Variants in MTIF2 observed in about 807,000 individuals in gnomAD.
The protein encoded by MTIF2 is translation initiation factor IF-2, mitochondrial.
MTIF2 carries 71 observed loss-of-function variants against 83.5 expected under a neutral mutation model. The observed-to-expected ratio is 0.85, with a 90% CI of 0.70 to 1.04. MTIF2 has a LOEUF of 1.04. Among genes scored for constraint, MTIF2 ranks in the 50% least tolerant of loss-of-function variants. The probability of loss-of-function intolerance (pLI) is 0.00; values close to 1 mark genes in which losing one functional copy is unlikely to be tolerated. For synonymous variants in MTIF2, 319 were observed against 287.1 expected (o/e 1.11, Z -1.12); for missense variants, 957 against 846.5 (o/e 1.13, Z -1.62).
At chr2:55,249,050 G>A (rs1452039040) in intron 9 of MTIF2, among the ~76,000 whole-genome samples, 1 of 152,126 alleles carries the variant, frequency 6.6e-6, no homozygotes, top group African/African-American at 2.4e-5. Context: ...GAGGTGGGAG[G>A]ACAACTTGAG....
At chr2:55,265,836 T>A (rs1188047129) in intron 3 of MTIF2, among the ~76,000 whole-genome samples, 1 of 152,230 alleles carries the variant, frequency 6.6e-6, no homozygotes, top group African/African-American at 2.4e-5. Flanking sequence ...CAAACAATTG[T>A]GGATCGAAAA....
In MTIF2 at chr2:55,244,146, T is replaced by G. The variant is rs1397038880; in HGVS notation, c.1194A>C (p.Leu398Phe). Residue 398 changes from leucine to phenylalanine, a missense_variant, in exon 11 of 16, where the codon TTA becomes TTC. Leu to Phe is a conservative substitution (Grantham distance 22, BLOSUM62 0). This residue lies in a region of MTIF2 where 733 missense variants were observed against 648.7 expected (regional missense o/e 1.13). Coordinates refer to ENST00000263629, the MANE Select transcript of MTIF2 (RefSeq NM_002453.3). ...VAGKCWAKVR[L>F]MFDENGKTID... is the part of the protein sequence containing the mutation. ...TTGTTTTTCCATTTTCATCAAACAT[T>G]AAGCGTACTTTTGCCCAACATTTTC... 1 of 1,614,172 alleles carries G rather than the reference T, an allele frequency of 6.2e-7. No individual in the cohort carries two copies. The highest frequency in any genetic ancestry group is 2.2e-5 in the East Asian group (1 of 44,876).
intron 7 of MTIF2, 150 bp downstream of exon 7, chr2:55,253,891 C>T (rs558773337): frequency 7.2e-5 from 57 of 796,782 alleles, no homozygotes; most frequent in African/African-American, 6.7e-4. Flanking sequence ...CACAGCTTTA[C>T]TAACCACTTG....
Position 55,237,287 on chromosome 2 carries a change from C to T in MTIF2, c.2011+1G>A. 1 of 1,610,890 alleles carries T rather than the reference C, an allele frequency of 6.2e-7. No individual in the cohort carries two copies. The highest frequency in any genetic ancestry group is 1.7e-5 in the Admixed American group (1 of 59,446). ...TTATAGGAGATTTTGATGTTGCTTA[C>T]CCTTCCAAATTACATGTCCATTACG... On this transcript the variant is annotated splice_donor_variant, in intron 15 of 15. Coordinates refer to ENST00000263629, the MANE Select transcript of MTIF2 (RefSeq NM_002453.3). LOFTEE classifies it high-confidence loss of function.
Position 55,247,035 on chromosome 2 carries a change from T to TA in MTIF2, c.982-575dup, listed in dbSNP as rs983320351. Among the ~76,000 whole-genome samples, 43 of 149,836 alleles carry TA rather than the reference T, an allele frequency of 2.9e-4. No individual in the cohort carries two copies. The East Asian group carries it at 3.3e-3, about 12-fold the overall frequency. On this transcript the variant is annotated intron_variant, in intron 9 of 15. Coordinates refer to ENST00000263629, the MANE Select transcript of MTIF2 (RefSeq NM_002453.3). ...TATAACCACCCAGCTGTGCAGCCTT[T>TA]AAAAAAAAAATCACCTCACTTCCCT...
At chr2:55,255,571 TA>T (rs1048103157) in intron 5 of MTIF2, among the ~76,000 whole-genome samples, 4 of 150,576 alleles carry the variant, frequency 2.7e-5, no homozygotes, top group Admixed American at 6.7e-5. Context: ...AGAACAAGCT[TA>T]TCTGAGATGC....
At chr2:55,245,674 T>C (rs1676642455) in intron 10 of MTIF2, among the ~76,000 whole-genome samples, 2 of 152,112 alleles carry the variant, frequency 1.3e-5, no homozygotes, top group African/African-American at 4.8e-5. Context: ...ACAATGTGAA[T>C]AAACTACAAT....
At chr2:55,236,921 T>TA in intron 15 of MTIF2, 101 bp from the exon 16 acceptor site, 1 of 979,358 alleles carries the variant, frequency 1.0e-6, no homozygotes, top group Non-Finnish European at 1.4e-6. Context: ...CTGAAATTCT[T>TA]AAAAATTTTA....
At chr2:55,243,153 C>T in intron 12 of MTIF2, 73 bp from the exon 13 acceptor site, 1 of 1,413,086 alleles carries the variant, frequency 7.1e-7, no homozygotes, top group South Asian at 1.4e-5. Flanking sequence ...TGACAATAAT[C>T]TATTTAAAGC....
chr2:55,262,401 T>TAG lies in MTIF2; in HGVS notation c.245_246insCT (p.Leu82PhefsTer11), dbSNP rs1436370327. On this transcript the variant is annotated frameshift_variant, in exon 5 of 16. Coordinates refer to ENST00000263629, the MANE Select transcript of MTIF2 (RefSeq NM_002453.3). LOFTEE classifies it high-confidence loss of function. ...CCACCTTTTTAGATTTTGTTGAAGA[T>TAG]AACTGAGATTTCCATGGTCCTTCTT... The TAG allele has an allele frequency of 6.2e-7, 1 of 1,613,098 alleles. No individual in the cohort carries two copies. The highest frequency in any genetic ancestry group is 1.7e-5 in the Admixed American group (1 of 59,920).
chr2:55,241,243 C>T (rs868626209), intron 13 of MTIF2, among the ~76,000 whole-genome samples: 1 of 151,000 alleles, frequency 6.6e-6, no homozygotes, highest in African/African-American at 2.4e-5. Flanking sequence ...CATGGTGACA[C>T]CCTGTCTCTA....
intron 8 of MTIF2, 58 bp downstream of exon 8, chr2:55,252,418 TA>T: frequency 6.8e-7 from 1 of 1,473,230 alleles, no homozygotes; most frequent in Non-Finnish European, 9.4e-7. Flanking sequence ...GAGCTATATG[TA>T]AATGGCCCCA....
intron 5 of MTIF2, among the ~76,000 whole-genome samples, chr2:55,260,400 C>CAAAAAAAAAAAAAAAAAAA (rs70947016): frequency 1.1e-5 from 1 of 87,422 alleles, no homozygotes. Flanking sequence ...AACTCTGTCT[C>CAAAAAAAAAAAAAAAAAAA]AAAAAAAAAA....
At chr2:55,245,030 G>C (rs1676592609) in intron 10 of MTIF2, among the ~76,000 whole-genome samples, 1 of 151,962 alleles carries the variant, frequency 6.6e-6, no homozygotes, top group African/African-American at 2.4e-5. Context: ...CTGGGTGACA[G>C]AGTGAGACTG....
intron 13 of MTIF2, 87 bp downstream of exon 13, chr2:55,242,853 G>A: frequency 1.5e-6 from 2 of 1,376,062 alleles, no homozygotes; most frequent in Non-Finnish European, 2.0e-6. Context: ...AATGTCAGGT[G>A]TGACAAGCCA....
chr2:55,255,845 A>G (rs1486689977), intron 5 of MTIF2, among the ~76,000 whole-genome samples: 2 of 152,084 alleles, frequency 1.3e-5, no homozygotes, highest in African/African-American at 4.8e-5. Context: ...CACATGTCCA[A>G]TAATAACTGC....
At chr2:55,255,849 T>C (rs1159443001) in intron 5 of MTIF2, among the ~76,000 whole-genome samples, 4 of 151,964 alleles carry the variant, frequency 2.6e-5, no homozygotes, top group Non-Finnish European at 5.9e-5. Context: ...TGTCCAATAA[T>C]AACTGCAAGA....
In MTIF2 at chr2:55,265,030, G is replaced by A. The variant is rs184562049; in HGVS notation, c.-7-1165C>T. Among the ~76,000 whole-genome samples the A allele has an allele frequency of 2.5e-3, 374 of 151,978 alleles. 5 individuals carry two copies. The highest frequency in any genetic ancestry group is 0.014 in the Admixed American group (219 of 15,240). The stretch of plus-strand genomic sequence containing the variant: ...GGCCGAGGTGGGCGGATCACCTCAG[G>A]TCAGGAGTTCGAGACTAGCCTGGCC... On this transcript the variant is annotated intron_variant, in intron 3 of 15. Coordinates refer to ENST00000263629, the MANE Select transcript of MTIF2 (RefSeq NM_002453.3).
chr2:55,255,713 T>G (rs1246995715), intron 5 of MTIF2, among the ~76,000 whole-genome samples: 1 of 151,546 alleles, frequency 6.6e-6, no homozygotes, highest in Admixed American at 6.6e-5. Flanking sequence ...TGAAAAAAAG[T>G]GACACTAAAT....
Sources: gnomAD v4.1 joint callset for allele counts (sites outside exome capture counted in the v4.1 genomes callset) on GRCh38, gnomAD v4.1.1 for gene constraint, gnomAD v4.1.1 regional missense constraint, MANE v1.5 for transcripts, NCBI Gene and HGNC (gene_info 2026-07-23, HGNC 2026-07-21) for gene names.